Variants in GYG1 observed in about 807,000 individuals in gnomAD.
GYG1 encodes glycogenin-1.
GYG1 carries 44 observed loss-of-function variants against 41.9 expected under a neutral mutation model. The observed-to-expected ratio is 1.05, with a 90% CI of 0.83 to 1.35. GYG1 has a LOEUF of 1.35. Ranked by LOEUF, GYG1 falls within the 40% of genes most tolerant of loss-of-function variation. The pLI, the probability that GYG1 is intolerant of heterozygous loss-of-function variation, is 0.00. For synonymous variants in GYG1, 141 were observed against 158.1 expected, an observed-to-expected ratio of 0.89 and a Z score of 0.81; for missense variants, 429 against 418.9, an observed-to-expected ratio of 1.02 and a Z score of -0.21.
chr3:149,025,570 T>C (rs1400669359), intron 6 of GYG1, among the ~76,000 whole-genome samples: 1 of 152,206 alleles, frequency 6.6e-6, no homozygotes, highest in Non-Finnish European at 1.5e-5. Flanking sequence ...TTAAAACCAC[T>C]ATATTAAGTA....
rs1249822424 is a variant in GYG1, at chr3:149,029,977, A to C, written c.*3044A>C. ...ATTTCAACCAGCTAAATTGAGCAAAATAAAGTTAGTTAGGATATGAGGACA... is the reference window on the plus strand; with the variant it reads ...ATTTCAACCAGCTAAATTGAGCAAACTAAAGTTAGTTAGGATATGAGGACA... On this transcript the variant is annotated 3_prime_UTR_variant, in exon 8 of 8. Coordinates refer to ENST00000345003, the MANE Select transcript of GYG1 (RefSeq NM_004130.4). 6.6e-6 allele frequency: 1 copy of C among 152,210 alleles called. No individual in the cohort carries two copies. Among genetic ancestry groups the C allele is most frequent in the African/African-American group, 2.4e-5 (1 of 41,454 alleles). 9.4% of individuals were successfully genotyped at this position (152,210 alleles called of 1,614,324 possible).
At chr3:149,016,260 C>CAAAAAAAAAAAAAAA (rs369746026) in intron 5 of GYG1, among the ~76,000 whole-genome samples, 2 of 70,016 alleles carry the variant, frequency 2.9e-5, no homozygotes, top group African/African-American at 5.5e-5. Context: ...GACTCCGTCT[C>CAAAAAAAAAAAAAAA]AAAAAAAAAA....
At chr3:148,998,961 T>C (rs991113077) in intron 4 of GYG1, among the ~76,000 whole-genome samples, 1 of 152,184 alleles carries the variant, frequency 6.6e-6, no homozygotes, top group African/African-American at 2.4e-5. Flanking sequence ...CTAAAGTATA[T>C]CTTGTGGCCT....
chr3:148,996,732 CT>C lies in GYG1; in HGVS notation c.319-7del. Reference sequence around the variant, plus strand: ...ACATTTCTGTAATGCTCTTTCTCCCCTTTGATCAGGTCCTAGCAAATATTGA... The same window carrying C: ...ACATTTCTGTAATGCTCTTTCTCCCCTTGATCAGGTCCTAGCAAATATTGA... On this transcript the variant is annotated splice_polypyrimidine_tract_variant and intron_variant, in intron 3 of 7. Coordinates refer to ENST00000345003, the MANE Select transcript of GYG1 (RefSeq NM_004130.4). 1 of 1,612,176 alleles carries C rather than the reference CT, an allele frequency of 6.2e-7. No homozygotes were observed. Among genetic ancestry groups the C allele is most frequent in the Non-Finnish European group, 8.5e-7 (1 of 1,178,230 alleles).
At chr3:149,015,355 G>C (rs750364583) in intron 5 of GYG1, among the ~76,000 whole-genome samples, 6 of 152,212 alleles carry the variant, frequency 3.9e-5, no homozygotes, top group Non-Finnish European at 7.3e-5. Flanking sequence ...CACGAGACAA[G>C]ATGATGTAGC....
chr3:148,998,509 C>A (rs1712929329), intron 4 of GYG1, among the ~76,000 whole-genome samples: 1 of 152,208 alleles, frequency 6.6e-6, no homozygotes. Flanking sequence ...TTGCGAAACT[C>A]TGCTCTCTAC....
intron 4 of GYG1, chr3:149,009,018 A>G (rs1713564843): frequency 2.6e-6 from 1 of 391,196 alleles, no homozygotes; most frequent in African/African-American, 2.1e-5. Context: ...AAATTGCCTG[A>G]CGTGGTGGCA....
In GYG1 at chr3:149,013,232, TAATA is replaced by T. The variant is rs529078195; in HGVS notation, c.608+3835_608+3838del. 5.5e-3 allele frequency among the ~76,000 whole-genome samples: 836 copies of T among 152,306 alleles called. 9 individuals are homozygous for T. Among genetic ancestry groups the T allele is most frequent in the African/African-American group, 0.019 (787 of 41,566 alleles). ...TATATAGTTAGGTTTCTTAGGCTTT[TAATA>T]AATACGTTTTTTTAAGTTTTCTCTA... On this transcript the variant is annotated intron_variant, in intron 5 of 7. Transcript: ENST00000345003.
chr3:149,006,142 G>A (rs1220247639), intron 4 of GYG1, among the ~76,000 whole-genome samples: 2 of 149,026 alleles, frequency 1.3e-5, no homozygotes, highest in African/African-American at 5.0e-5. Flanking sequence ...GAGTGCGGTG[G>A]CGTGATCTCA....
chr3:148,991,617 G>T lies in GYG1; in HGVS notation c.-24G>T. ...GAGTCACCAACCTGAGGCTGCCCCG[G>T]CCGCCTGCGCACCCGGCAGCACCAT... On this transcript the variant is annotated 5_prime_UTR_variant, in exon 1 of 8. Coordinates refer to ENST00000345003, the MANE Select transcript of GYG1 (RefSeq NM_004130.4). The T allele has an allele frequency of 4.5e-6, 7 of 1,554,466 alleles. No homozygotes were observed. Among genetic ancestry groups the T allele is most frequent in the Non-Finnish European group, 6.0e-6 (7 of 1,158,926 alleles).
intron 2 of GYG1, among the ~76,000 whole-genome samples, chr3:148,995,390 T>A (rs1712728518): frequency 6.6e-6 from 1 of 152,168 alleles, no homozygotes; most frequent in Non-Finnish European, 1.5e-5. Context: ...CCAAAAAGTA[T>A]AAGCACAGGC....
rs375499271 is a variant in GYG1 at position 149,006,332 on chromosome 3, C to T, written c.482-2944C>T. On this transcript the variant is annotated intron_variant, in intron 4 of 7. Coordinates refer to ENST00000345003, the MANE Select transcript of GYG1 (RefSeq NM_004130.4). ...TCCTGACCTTGTGATCCACCCACCTCGGCCTCCCAAAGTGCTGGGATTACA... is the reference window on the plus strand; with the variant it reads ...TCCTGACCTTGTGATCCACCCACCTTGGCCTCCCAAAGTGCTGGGATTACA... Among the ~76,000 whole-genome samples the T allele has an allele frequency of 5.9e-5, 9 of 152,104 alleles. No homozygotes were observed. The East Asian group carries it at 7.7e-4, about 13-fold the overall frequency.
intron 5 of GYG1, among the ~76,000 whole-genome samples, 171 bp downstream of exon 5, chr3:149,009,573 G>T (rs751218553): frequency 9.2e-5 from 14 of 152,122 alleles, no homozygotes; most frequent in Admixed American, 2.0e-4. Context: ...TGATGTTATC[G>T]GTTGCCTCAT....
chr3:149,016,460 G>T (rs1311876770), intron 5 of GYG1, among the ~76,000 whole-genome samples: 4 of 152,042 alleles, frequency 2.6e-5, no homozygotes, highest in Admixed American at 2.6e-4. Flanking sequence ...TAGTGGCCTG[G>T]TGTTGTAAGT....
intron 4 of GYG1, among the ~76,000 whole-genome samples, chr3:149,002,793 G>A (rs530874149): frequency 6.6e-6 from 1 of 152,322 alleles, no homozygotes; most frequent in East Asian, 1.9e-4. Flanking sequence ...GGCCAAGGCA[G>A]GTGGATCACT....
At chr3:149,002,831 G>T (rs1348870820) in intron 4 of GYG1, among the ~76,000 whole-genome samples, 4 of 152,126 alleles carry the variant, frequency 2.6e-5, no homozygotes, top group Non-Finnish European at 5.9e-5. Context: ...GACCAGCCTG[G>T]CCAAAATGGT....
intron 5 of GYG1, among the ~76,000 whole-genome samples, chr3:149,014,845 G>C (rs1174712472): frequency 1.4e-5 from 2 of 147,786 alleles, no homozygotes; most frequent in South Asian, 2.2e-4. Context: ...TCCAGCCTGG[G>C]TGACAGAGCA....
intron 4 of GYG1, among the ~76,000 whole-genome samples, chr3:148,997,997 G>T (rs762851940): frequency 1.3e-5 from 2 of 152,142 alleles, no homozygotes; most frequent in Middle Eastern, 3.2e-3. Flanking sequence ...GCAGATATGA[G>T]AATTCATTTT....
intron 5 of GYG1, among the ~76,000 whole-genome samples, chr3:149,015,661 G>T (rs756162539): frequency 6.6e-6 from 1 of 152,168 alleles, no homozygotes; most frequent in Non-Finnish European, 1.5e-5. Context: ...GTGGAGTGGT[G>T]GGGGAGAAAG....
Sources: allele counts gnomAD v4.1 joint callset (sites outside exome capture counted in the v4.1 genomes callset), GRCh38; gene constraint gnomAD v4.1.1; transcripts MANE v1.5; gene names NCBI Gene and HGNC (gene_info 2026-07-23, HGNC 2026-07-21).